The following TTC28 variants were observed in gnomAD, a reference collection of about 807,000 sequenced individuals.
The protein encoded by TTC28 is tetratricopeptide repeat protein 28.
In TTC28, 61 loss-of-function variants were observed where a neutral mutation model predicts 198.0. That is an observed-to-expected ratio of 0.31 (90% CI 0.25 to 0.38). TTC28 has a LOEUF of 0.38. TTC28 is among the 10% of genes least tolerant of loss of function. TTC28 has a pLI of 1.00. For synonymous variants in TTC28, 1,171 were observed against 1,297.8 expected, an observed-to-expected ratio of 0.90 and a Z score of 2.10; for missense variants, 2,678 against 3,164.0, an observed-to-expected ratio of 0.85 and a Z score of 3.69.
intron 12 of TTC28, among the ~76,000 whole-genome samples, chr22:28,047,044 A>G (rs1164670042): frequency 6.6e-6 from 1 of 152,168 alleles, no homozygotes; most frequent in East Asian, 1.9e-4. Flanking sequence ...GAAGGGAATG[A>G]GGAAACTGGT....
intron 12 of TTC28, among the ~76,000 whole-genome samples, chr22:28,091,835 T>C (rs904218316): frequency 6.6e-6 from 1 of 152,142 alleles, no homozygotes; most frequent in African/African-American, 2.4e-5. Context: ...TAATTAAAAT[T>C]GTAGTAAATG....
chr22:28,336,969 G>C (rs2045732994), intron 2 of TTC28, among the ~76,000 whole-genome samples: 1 of 151,938 alleles, frequency 6.6e-6, no homozygotes, highest in Non-Finnish European at 1.5e-5. Context: ...TTTCTCTTGT[G>C]GGCATTTAGT....
chr22:28,085,283 G>C (rs980632136), intron 12 of TTC28, among the ~76,000 whole-genome samples: 1 of 152,056 alleles, frequency 6.6e-6, no homozygotes, highest in African/African-American at 2.4e-5. Context: ...TACCCACAAA[G>C]GGAAGCCCAT....
intron 2 of TTC28, among the ~76,000 whole-genome samples, chr22:28,597,456 G>A (rs981648323): frequency 2.6e-5 from 4 of 152,060 alleles, no homozygotes; most frequent in African/African-American, 9.7e-5. Context: ...AACTATGCAC[G>A]TAAGCATCTG....
intron 2 of TTC28, among the ~76,000 whole-genome samples, chr22:28,428,028 T>A (rs79346945): frequency 0.036 from 5,463 of 151,990 alleles, 156 homozygotes; most frequent in African/African-American, 0.07. Context: ...GCCTTCCTCA[T>A]TTTAAAAAAT....
intron 5 of TTC28, among the ~76,000 whole-genome samples, chr22:28,225,237 C>T (rs148707022): frequency 0.016 from 2,361 of 152,076 alleles, 81 homozygotes; most frequent in African/African-American, 0.055. Flanking sequence ...TGCATGTAGT[C>T]CCAGCTACTC....
intron 2 of TTC28, among the ~76,000 whole-genome samples, chr22:28,320,991 G>A (rs1035072354): frequency 6.6e-6 from 1 of 152,230 alleles, no homozygotes; most frequent in Admixed American, 6.5e-5. Context: ...GATTCTCAAG[G>A]TTTTATTTTA....
intron 5 of TTC28, among the ~76,000 whole-genome samples, chr22:28,292,099 T>G (rs1006921811): frequency 1.3e-5 from 2 of 152,142 alleles, no homozygotes; most frequent in Non-Finnish European, 2.9e-5. Flanking sequence ...ATTAGTTATT[T>G]TCATGTAATT....
chr22:28,372,391 A>C (rs2046351283), intron 2 of TTC28, among the ~76,000 whole-genome samples: 1 of 152,142 alleles, frequency 6.6e-6, no homozygotes, highest in South Asian at 2.1e-4. Context: ...TCAGTGTAAA[A>C]TTACTGCTGC....
intron 5 of TTC28, among the ~76,000 whole-genome samples, chr22:28,200,149 C>T (rs930622969): frequency 6.6e-6 from 1 of 151,964 alleles, no homozygotes; most frequent in Non-Finnish European, 1.5e-5. Flanking sequence ...TATTCACAGG[C>T]GTGATCATAG....
intron 6 of TTC28, among the ~76,000 whole-genome samples, chr22:28,153,501 A>G (rs868489540): frequency 1.3e-5 from 2 of 151,434 alleles, no homozygotes; most frequent in African/African-American, 4.8e-5. Flanking sequence ...TAGTATTCTC[A>G]ACCTCATAGG....
intron 2 of TTC28, among the ~76,000 whole-genome samples, chr22:28,413,473 ACTGTATTTTATTTT>A (rs2047119183): frequency 6.6e-6 from 1 of 151,894 alleles, no homozygotes; most frequent in Admixed American, 6.6e-5. Context: ...AACAATGTCA[ACTGTATTTTATTTT>A]CATGAAATAC....
intron 2 of TTC28, among the ~76,000 whole-genome samples, chr22:28,598,847 C>G (rs559519338): frequency 1.4e-4 from 21 of 152,248 alleles, no homozygotes; most frequent in Admixed American, 7.2e-4. Context: ...ACACTTTATT[C>G]CCATCGCATT....
intron 1 of TTC28, among the ~76,000 whole-genome samples, chr22:28,674,700 T>C (rs1385200697): frequency 6.6e-6 from 1 of 150,558 alleles, no homozygotes; most frequent in Non-Finnish European, 1.5e-5. Context: ...ACATCTGTAA[T>C]CCCAACTACT....
chr22:28,217,020 T>C (rs545593869), intron 5 of TTC28, among the ~76,000 whole-genome samples: 3 of 152,250 alleles, frequency 2.0e-5, no homozygotes, highest in Admixed American at 6.5e-5. Flanking sequence ...CCCAGTCTTA[T>C]TTTCAATAAT....
At chr22:28,113,213 C>T (rs1055058345) in intron 6 of TTC28, among the ~76,000 whole-genome samples, 7 of 152,086 alleles carry the variant, frequency 4.6e-5, no homozygotes, top group South Asian at 2.1e-4. Context: ...GTAGGGGCCT[C>T]GGTGCACCGC....
intron 12 of TTC28, among the ~76,000 whole-genome samples, chr22:28,092,435 A>G (rs1474324636): frequency 6.6e-6 from 1 of 152,190 alleles, no homozygotes; most frequent in Admixed American, 6.5e-5. Context: ...TGGCGACTGC[A>G]TGCCCACCAT....
At chr22:28,246,330 C>T (rs1175462282) in intron 5 of TTC28, among the ~76,000 whole-genome samples, 1 of 152,144 alleles carries the variant, frequency 6.6e-6, no homozygotes, top group African/African-American at 2.4e-5. Flanking sequence ...TATGCCAACA[C>T]ACCACCCCAA....
chr22:28,034,259 G>A (rs186523386), intron 12 of TTC28, among the ~76,000 whole-genome samples: 57 of 152,296 alleles, frequency 3.7e-4, no homozygotes, highest in Non-Finnish European at 4.4e-5. Context: ...TGGGTGGCAA[G>A]GCAGGAAGAG....
Sources: allele counts gnomAD v4.1 joint callset (sites outside exome capture counted in the v4.1 genomes callset), GRCh38; gene constraint gnomAD v4.1.1; transcripts MANE v1.5; gene names NCBI Gene and HGNC (gene_info 2026-07-23, HGNC 2026-07-21).